The following ARID1A variants were observed in gnomAD, a reference collection of about 807,000 sequenced individuals.
ARID1A encodes AT-rich interaction domain 1A.
ARID1A carries 20 observed loss-of-function variants against 212.6 expected under a neutral mutation model. The ratio of observed to expected loss-of-function variants is 0.09; its 90% CI spans 0.07 to 0.14. The LOEUF is 0.14. ARID1A is among the 10% of genes least tolerant of loss of function. ARID1A has a pLI of 1.00. For synonymous variants in ARID1A, 1,376 were observed against 1,222.1 expected, an observed-to-expected ratio of 1.13 and a Z score of -2.63; for missense variants, 2,587 against 3,059.0, an observed-to-expected ratio of 0.85 and a Z score of 3.64.
chr1:26,771,586 T>C lies in ARID1A; in HGVS notation c.3406+260T>C. On this transcript the variant is annotated intron_variant, in intron 12 of 19. Transcript: ENST00000324856. The surrounding 1 kb of genome is among the most constrained non-coding windows in gnomAD (Gnocchi z 5.4). ...TGCCAAATGTTTGTAAACTGGTGAA[T>C]GGGAGGGGCACAAGAGGAGTCGGTG... 1.9e-6 allele frequency: 1 copy of C among 516,194 alleles called. No homozygotes were observed. The highest frequency in any genetic ancestry group is 3.5e-6 in the Non-Finnish European group (1 of 287,472). 32.0% of individuals were successfully genotyped at this position (516,194 alleles called of 1,614,324 possible).
intron 1 of ARID1A, among the ~76,000 whole-genome samples, chr1:26,704,339 G>C (rs954816249): frequency 6.6e-6 from 1 of 152,158 alleles, no homozygotes; most frequent in Non-Finnish European, 1.5e-5. Context: ...CTGTAGTAAT[G>C]GTGGTTCAAC....
chr1:26,767,716 A>G (rs2081051498), intron 10 of ARID1A, 74 bp from the exon 11 acceptor site: 1 of 1,400,090 alleles, frequency 7.1e-7, no homozygotes, highest in Non-Finnish European at 9.7e-7. Flanking sequence ...TGCTCCAGTC[A>G]AGAGACTTCT....
In ARID1A at chr1:26,767,895, G is replaced by A. The variant is rs2124086894; in HGVS notation, c.3094G>A (p.Glu1032Lys). 1 of 1,614,028 alleles carries A rather than the reference G, an allele frequency of 6.2e-7. No homozygotes were observed. The highest frequency in any genetic ancestry group is 8.5e-7 in the Non-Finnish European group (1 of 1,179,906). ...GGTGGACCGTTATCTGGCCTTCACT[G>A]AGGAGAAGGCCATGGGCATGACAAA... Reference protein sequence around the residue: ...MWVDRYLAFTEEKAMGMTNLP... With the variant: ...MWVDRYLAFTKEKAMGMTNLP... Residue 1032 changes from glutamate to lysine, a missense_variant, in exon 11 of 20, where the codon GAG becomes AAG. Coordinates refer to ENST00000324856, the MANE Select transcript of ARID1A (RefSeq NM_006015.6).
intron 11 of ARID1A, among the ~76,000 whole-genome samples, chr1:26,768,454 C>T (rs1442479081): frequency 6.6e-6 from 1 of 152,154 alleles, no homozygotes; most frequent in Non-Finnish European, 1.5e-5. Context: ...ACCCACTAGA[C>T]TGTCAAAAGT....
intron 1 of ARID1A, among the ~76,000 whole-genome samples, chr1:26,721,997 G>A (rs1356993571): frequency 1.3e-5 from 2 of 152,142 alleles, no homozygotes; most frequent in Non-Finnish European, 2.9e-5. Flanking sequence ...GAAGGATAGA[G>A]ATATGGTAGT....
At chr1:26,752,020 CG>C (rs1263097166) in intron 4 of ARID1A, among the ~76,000 whole-genome samples, 2 of 152,136 alleles carry the variant, frequency 1.3e-5, no homozygotes, top group Non-Finnish European at 2.9e-5. Context: ...GGAAACTTGA[CG>C]GGGGCAAGTA....
At chr1:26,742,955 G>A (rs1376416945) in intron 4 of ARID1A, among the ~76,000 whole-genome samples, 1 of 152,154 alleles carries the variant, frequency 6.6e-6, no homozygotes, top group Non-Finnish European at 1.5e-5. Context: ...ATGTGACAGA[G>A]CGAGACTGTC....
At chr1:26,778,934 A>G in intron 19 of ARID1A, 89 bp from the exon 20 acceptor site, 3 of 1,313,586 alleles carry the variant, frequency 2.3e-6, no homozygotes, top group Non-Finnish European at 3.1e-6. Context: ...CAACTGATAC[A>G]GAAGACTTGG....
At chr1:26,737,852 C>T (rs1264920419) in intron 4 of ARID1A, among the ~76,000 whole-genome samples, 3 of 149,566 alleles carry the variant, frequency 2.0e-5, no homozygotes, top group South Asian at 2.1e-4. Flanking sequence ...GCTACAAGAG[C>T]GAAACTCCGT....
intron 4 of ARID1A, among the ~76,000 whole-genome samples, chr1:26,742,766 C>A (rs779109835): frequency 6.6e-6 from 1 of 151,890 alleles, no homozygotes; most frequent in Non-Finnish European, 1.5e-5. Flanking sequence ...GTCGGGAGTT[C>A]GAGAGCAGCC....
chr1:26,762,564 G>A (rs1453344240), intron 7 of ARID1A, among the ~76,000 whole-genome samples: 1 of 152,178 alleles, frequency 6.6e-6, no homozygotes, highest in Non-Finnish European at 1.5e-5. Flanking sequence ...GAGATTAGGT[G>A]TTTACTCCAC....
intron 1 of ARID1A, among the ~76,000 whole-genome samples, chr1:26,709,977 G>T (rs1285795088): frequency 6.6e-6 from 1 of 151,242 alleles, no homozygotes; most frequent in South Asian, 2.1e-4. Context: ...GATTACAGGC[G>T]TGTGCCACCA....
chr1:26,745,174 C>G (rs1243247196), intron 4 of ARID1A, among the ~76,000 whole-genome samples: 3 of 152,092 alleles, frequency 2.0e-5, no homozygotes, highest in African/African-American at 7.2e-5. Context: ...AGAAACCAGA[C>G]CCAGATTTAA....
Position 26,779,731 on chromosome 1 carries a change from C to A in ARID1A, c.5833C>A (p.Pro1945Thr), listed in dbSNP as rs770398334. ...CAGCAAGTTTCCATTTGGCATTAGC[C>A]CAGCACAGAGCCACCGGAACATCAA... ...ESSKFPFGIS[P>T]AQSHRNIKIL... Residue 1945 changes from proline to threonine, a missense_variant, in exon 20 of 20, where the codon CCA (proline) becomes ACA (threonine). This residue lies in a region of ARID1A where 890 missense variants were observed against 1,098.2 expected (regional missense o/e 0.81). Coordinates refer to ENST00000324856, the MANE Select transcript of ARID1A (RefSeq NM_006015.6). 6.2e-7 allele frequency: 1 copy of A among 1,614,030 alleles called. No homozygotes were observed. Among genetic ancestry groups the A allele is most frequent in the South Asian group, 1.1e-5 (1 of 91,058 alleles).
chr1:26,781,847 TTTTTGTTTTG>T lies in ARID1A; in HGVS notation c.*1101_*1110del, dbSNP rs747724215. 4.3e-6 allele frequency: 1 copy of T among 233,512 alleles called. No individual in the cohort carries two copies. The highest frequency in any genetic ancestry group is 2.2e-5 in the African/African-American group (1 of 45,322). The allele number at this position is 233,512 out of a possible 1,614,324, so 14.5% of individuals were successfully genotyped here. A position where few individuals can be genotyped will look rare whatever the true frequency, so the allele number is the denominator to read the frequency against. ...AACTTATAGTTTATTTTTTTCTGGG[TTTTTGTTTTG>T]TTTTGTTTTCTTTCTAATCGAGGTG... On this transcript the variant is annotated 3_prime_UTR_variant, in exon 20 of 20. Transcript: ENST00000324856.
intron 1 of ARID1A, among the ~76,000 whole-genome samples, chr1:26,718,714 A>G (rs1195642605): frequency 1.3e-5 from 2 of 152,088 alleles, no homozygotes; most frequent in Non-Finnish European, 2.9e-5. Flanking sequence ...AATGACAAGA[A>G]AAAAAGTGTA....
At chr1:26,713,693 C>T (rs1304696920) in intron 1 of ARID1A, among the ~76,000 whole-genome samples, 1 of 152,134 alleles carries the variant, frequency 6.6e-6, no homozygotes, top group East Asian at 1.9e-4. Context: ...TTGGAAAAGC[C>T]TGGCTAACTA....
Position 26,780,610 on chromosome 1 carries a change from C to T in ARID1A, c.6712C>T (p.Leu2238=), listed in dbSNP as rs764630116. 1.4e-4 allele frequency: 225 copies of T among 1,613,724 alleles called. No homozygotes were observed. Among genetic ancestry groups the T allele is most frequent in the Non-Finnish European group, 1.7e-4 (203 of 1,180,012 alleles). The change falls in exon 20 of 20, where the codon CTG becomes TTG. Residue 2238 remains leucine (L), a synonymous_variant. Transcript: ENST00000324856. The surrounding 1 kb of genome is among the most constrained non-coding windows in gnomAD (Gnocchi z 7.2). The part of the protein sequence containing the change: ...VDMMRRAARA[L]LALAKVDENH... ...CATGATGCGGCGGGCTGCCCGCGCG[C>T]TGCTTGCCTTGGCCAAGGTGGACGA...
In ARID1A at chr1:26,705,536, CT is replaced by C. The variant is rs556967176; in HGVS notation, c.1137+8003del. 9.1e-3 allele frequency among the ~76,000 whole-genome samples: 1,373 copies of C among 151,688 alleles called. 10 individuals are homozygous for C. Among genetic ancestry groups the C allele is most frequent in the Middle Eastern group, 0.02 (6 of 294 alleles). ...TTCTGGTTTAGAAATACCTTTTCCA[CT>C]TTTTTTGCCTTGCCATTTTGGCATT... On this transcript the variant is annotated intron_variant, in intron 1 of 19. Coordinates refer to ENST00000324856, the MANE Select transcript of ARID1A (RefSeq NM_006015.6).
Sources: gnomAD v4.1 joint callset for allele counts (sites outside exome capture counted in the v4.1 genomes callset) on GRCh38, gnomAD v4.1.1 for gene constraint, gnomAD v4.1.1 regional missense constraint, Gnocchi (gnomAD v3.1) non-coding constraint, MANE v1.5 for transcripts, NCBI Gene and HGNC (gene_info 2026-07-23, HGNC 2026-07-21) for gene names.